Variants in XKR6 observed in about 807,000 individuals in gnomAD.
XKR6 encodes the protein XK-related protein 6.
Under a neutral mutation model 56.7 loss-of-function variants are expected in XKR6, and 22 were observed. The ratio of observed to expected loss-of-function variants is 0.39; its 90% CI spans 0.28 to 0.55. The LOEUF (loss-of-function observed/expected upper bound fraction) is 0.55. Among genes scored for constraint, XKR6 ranks in the 20% least tolerant of loss-of-function variants. XKR6 has a pLI of 0.66. For missense variants in XKR6, 852 were observed against 889.0 expected (o/e 0.96, Z 0.53); for synonymous variants, 524 against 387.8 (o/e 1.35, Z -4.13).
intron 2 of XKR6, among the ~76,000 whole-genome samples, chr8:10,923,389 G>C (rs928530683): frequency 2.6e-5 from 4 of 152,172 alleles, no homozygotes; most frequent in Admixed American, 2.6e-4. Flanking sequence ...TGGTTCAGTA[G>C]ATGGGACATG....
At chr8:11,099,485 G>C (rs1472767066) in intron 1 of XKR6, among the ~76,000 whole-genome samples, 3 of 152,238 alleles carry the variant, frequency 2.0e-5, no homozygotes, top group Admixed American at 2.0e-4. Flanking sequence ...CTGCTGGGCA[G>C]GGCAGCCCTG....
intron 1 of XKR6, among the ~76,000 whole-genome samples, chr8:11,049,337 C>T (rs976604155): frequency 6.6e-6 from 1 of 152,198 alleles, no homozygotes; most frequent in South Asian, 2.1e-4. Flanking sequence ...GGACATGACC[C>T]GGCAGGAGGG....
At chr8:11,179,999 C>T (rs945332746) in intron 1 of XKR6, among the ~76,000 whole-genome samples, 2 of 151,790 alleles carry the variant, frequency 1.3e-5, no homozygotes, top group Admixed American at 6.6e-5. Flanking sequence ...AACAGCTGGG[C>T]ATGGTGGCAC....
At position 10,896,849 on chromosome 8, in the gene XKR6, G is replaced by A. The variant is rs1036321059; in HGVS notation, c.*1103C>T. The A allele has an allele frequency of 6.6e-6, 1 of 152,328 alleles. No individual in the cohort carries two copies. Among genetic ancestry groups the A allele is most frequent in the African/African-American group, 2.4e-5 (1 of 41,334 alleles). The allele number at this position is 152,328 out of a possible 1,614,324, so 9.4% of individuals were successfully genotyped here. ...GGCTTCCCACCAAATGGAAACAGAA[G>A]AGGCTTTACACAATATCACATGTGA... On this transcript the variant is annotated 3_prime_UTR_variant, in exon 3 of 3. Coordinates refer to ENST00000416569, the MANE Select transcript of XKR6 (RefSeq NM_173683.4).
chr8:11,009,381 T>A (rs982071377), intron 1 of XKR6, among the ~76,000 whole-genome samples: 1 of 152,056 alleles, frequency 6.6e-6, no homozygotes, highest in Non-Finnish European at 1.5e-5. Context: ...CATGGTGGTG[T>A]GTGCCTGTAG....
Position 10,935,047 on chromosome 8 carries a change from T to G in XKR6, c.765-10217A>C, listed in dbSNP as rs1227956924. 5.4e-5 allele frequency among the ~76,000 whole-genome samples: 5 copies of G among 91,876 alleles called. No homozygotes were observed. In the East Asian group the frequency reaches 1.0e-3, roughly 19 times the overall value. 60.3% of individuals were successfully genotyped at this position (91,876 alleles called of 152,430 possible). A position where few individuals can be genotyped will look rare whatever the true frequency, so the allele number is the denominator to read the frequency against. On this transcript the variant is annotated intron_variant, in intron 1 of 2. Transcript: ENST00000416569. The stretch of plus-strand genomic sequence containing the variant: ...CTGGTCCTGGACTCTTTTTGGTTGG[T>G]AAACTATTGATTATTGCCACAATTT...
chr8:11,195,487 T>C (rs982428148), intron 1 of XKR6, among the ~76,000 whole-genome samples: 5 of 152,232 alleles, frequency 3.3e-5, no homozygotes, highest in Non-Finnish European at 7.4e-5. Context: ...ATCTGCTTAA[T>C]TTCTCTGCAC....
At chr8:11,029,620 T>A (rs1268429854) in intron 1 of XKR6, among the ~76,000 whole-genome samples, 3 of 152,138 alleles carry the variant, frequency 2.0e-5, no homozygotes, top group Non-Finnish European at 4.4e-5. Flanking sequence ...GAAATCAGTG[T>A]CTGCTGTGTG....
intron 1 of XKR6, among the ~76,000 whole-genome samples, chr8:11,153,187 C>A (rs371800709): frequency 6.6e-6 from 1 of 152,128 alleles, no homozygotes; most frequent in African/African-American, 2.4e-5. Flanking sequence ...AGAAAAGCTA[C>A]GTGAAGAACT....
rs1368825253 is a variant in XKR6 at position 11,200,732 on chromosome 8, C to A, written c.608G>T (p.Gly203Val). The A allele has an allele frequency of 2.5e-6, 4 of 1,589,572 alleles. No homozygotes were observed. Among genetic ancestry groups the A allele is most frequent in the Non-Finnish European group, 3.4e-6 (4 of 1,171,478 alleles). The change falls in exon 1 of 3, where the codon GGC becomes GTC. Residue 203 changes from glycine to valine, a missense_variant. Gly to Val is a moderately radical substitution (Grantham distance 109). Around this residue, in one of 4 missense-constraint regions of XKR6, gnomAD observed 417 missense variants for 355.2 expected, o/e 1.17. Transcript: ENST00000416569. The surrounding 1 kb of genome is among the most constrained non-coding windows in gnomAD (Gnocchi z 6.4). ...LGAVEGLTSRGPPMMGAGYVH... is the reference protein window; with the variant it reads ...LGAVEGLTSRVPPMMGAGYVH... The stretch of plus-strand genomic sequence containing the variant: ...GTAGCCGGCCCCCATCATGGGGGGG[C>A]CCCGGCTGGTGAGCCCCTCCACGGC...
chr8:10,992,162 T>C (rs905636256), intron 1 of XKR6, among the ~76,000 whole-genome samples: 4 of 152,242 alleles, frequency 2.6e-5, no homozygotes, highest in Non-Finnish European at 5.9e-5. Flanking sequence ...ACCCTGCCTG[T>C]TGCTGTTCAG....
chr8:11,139,845 C>G (rs764102632), intron 1 of XKR6, among the ~76,000 whole-genome samples: 1 of 152,132 alleles, frequency 6.6e-6, no homozygotes, highest in Non-Finnish European at 1.5e-5. Flanking sequence ...CACAAACTTA[C>G]TACGAGAGAA....
chr8:10,925,370 C>T (rs953790740), intron 1 of XKR6, among the ~76,000 whole-genome samples: 28 of 152,206 alleles, frequency 1.8e-4, no homozygotes, highest in African/African-American at 5.5e-4. Flanking sequence ...CAGGAAACAG[C>T]GTGGGCTCAG....
At chr8:11,046,449 G>C (rs1432645718) in intron 1 of XKR6, among the ~76,000 whole-genome samples, 1 of 151,788 alleles carries the variant, frequency 6.6e-6, no homozygotes, top group Non-Finnish European at 1.5e-5. Context: ...AAGAAAGCAG[G>C]GACCCAAAGA....
intron 1 of XKR6, among the ~76,000 whole-genome samples, chr8:11,030,642 G>A (rs1265240513): frequency 6.6e-6 from 1 of 151,220 alleles, no homozygotes; most frequent in African/African-American, 2.4e-5. Context: ...ATTCCTGGGG[G>A]TGGCGTGAGG....
intron 1 of XKR6, among the ~76,000 whole-genome samples, chr8:11,115,839 T>A (rs528537324): frequency 6.6e-6 from 1 of 152,228 alleles, no homozygotes; most frequent in Non-Finnish European, 1.5e-5. Context: ...ACCAGAAGAA[T>A]AAATACATTT....
At chr8:11,189,824 G>C (rs1803456625) in intron 1 of XKR6, among the ~76,000 whole-genome samples, 1 of 152,020 alleles carries the variant, frequency 6.6e-6, no homozygotes, top group Non-Finnish European at 1.5e-5. Flanking sequence ...TCAAATATCT[G>C]GCTCCTCAAG....
At chr8:11,016,637 C>T (rs1415550234) in intron 1 of XKR6, among the ~76,000 whole-genome samples, 1 of 152,168 alleles carries the variant, frequency 6.6e-6, no homozygotes, top group South Asian at 2.1e-4. Context: ...TCCAAGGCCC[C>T]GCCTCCTCGT....
chr8:10,979,633 C>T (rs1158120172), intron 1 of XKR6, among the ~76,000 whole-genome samples: 2 of 152,204 alleles, frequency 1.3e-5, no homozygotes, highest in Non-Finnish European at 2.9e-5. Context: ...CAGCCTGGCT[C>T]CTCCTTGGGG....
Sources: allele counts gnomAD v4.1 joint callset (sites outside exome capture counted in the v4.1 genomes callset), GRCh38; gene constraint gnomAD v4.1.1; regional missense constraint gnomAD v4.1.1; non-coding constraint Gnocchi (gnomAD v3.1); transcripts MANE v1.5; gene names NCBI Gene and HGNC (gene_info 2026-07-23, HGNC 2026-07-21).